Variants in DCLK1 observed in about 807,000 individuals in gnomAD.
The protein encoded by DCLK1 is serine/threonine-protein kinase DCLK1.
Under a neutral mutation model 86.2 loss-of-function variants are expected in DCLK1, and 16 were observed. That is an observed-to-expected ratio of 0.19 (90% confidence interval 0.13 to 0.28). The LOEUF (loss-of-function observed/expected upper bound fraction) is 0.28. DCLK1 is among the 10% of genes least tolerant of loss of function. The probability of loss-of-function intolerance (pLI) is 1.00; values close to 1 mark genes in which losing one functional copy is unlikely to be tolerated. For synonymous variants in DCLK1, 369 were observed against 370.5 expected (o/e 1.00, Z 0.05); for missense variants, 590 against 940.2 (o/e 0.63, Z 4.87).
intron 3 of DCLK1, among the ~76,000 whole-genome samples, chr13:36,101,778 G>A (rs889579959): frequency 3.3e-5 from 5 of 151,376 alleles, no homozygotes; most frequent in Non-Finnish European, 7.4e-5. Context: ...TCACTCTGTC[G>A]CCCAGGCTGG....
At chr13:36,078,412 G>T (rs1377916498) in intron 3 of DCLK1, among the ~76,000 whole-genome samples, 1 of 152,204 alleles carries the variant, frequency 6.6e-6, no homozygotes, top group African/African-American at 2.4e-5. Flanking sequence ...AGTCTGGGGT[G>T]TGCTACTGAA....
chr13:35,996,172 AC>A (rs1420274229), intron 3 of DCLK1, among the ~76,000 whole-genome samples: 1 of 151,998 alleles, frequency 6.6e-6, no homozygotes, highest in Non-Finnish European at 1.5e-5. Context: ...CAGGGGATCT[AC>A]CCGCCTCGGC....
chr13:36,095,858 C>T (rs1566009484), intron 3 of DCLK1, among the ~76,000 whole-genome samples: 1 of 152,084 alleles, frequency 6.6e-6, no homozygotes. Flanking sequence ...AGGATTTTGT[C>T]TTAAATTCCT....
chr13:35,993,839 GAAA>G (rs11360420), intron 3 of DCLK1, among the ~76,000 whole-genome samples: 2 of 142,356 alleles, frequency 1.4e-5, no homozygotes. Context: ...ACACTCATGA[GAAA>G]AAAAAAAAAA....
Position 36,112,002 on chromosome 13 carries a change from G to A in DCLK1, c.590C>T (p.Pro197Leu). The A allele has an allele frequency of 6.2e-7, 1 of 1,614,154 alleles. No individual in the cohort carries two copies. Among genetic ancestry groups the A allele is most frequent in the Non-Finnish European group, 8.5e-7 (1 of 1,180,008 alleles). Residue 197 changes from proline to leucine, a missense_variant, in exon 3 of 17, where the codon CCA (proline) becomes CTA (leucine). Transcript: ENST00000360631. Reference sequence around the variant, plus strand: ...CAGCAGAATCCTGACAGCTTTCCGTGGCTTCACGCCACTTCTGATGATGGT... The same window carrying A: ...CAGCAGAATCCTGACAGCTTTCCGTAGCTTCACGCCACTTCTGATGATGGT... ...LVTIIRSGVKPRKAVRILLNK... is the reference protein window; with the variant it reads ...LVTIIRSGVKLRKAVRILLNK...
In DCLK1 at chr13:36,070,949, T is replaced by C. The variant is rs532010403; in HGVS notation, c.723+40920A>G. On this transcript the variant is annotated intron_variant, in intron 3 of 16. Coordinates refer to ENST00000360631, the MANE Select transcript of DCLK1 (RefSeq NM_001330071.2). Reference sequence around the variant, plus strand: ...CGTGAGCCACCGCGCCCGGCCCCCATCTTTATAAAGAGACCTAGGAGACAT... The same window carrying C: ...CGTGAGCCACCGCGCCCGGCCCCCACCTTTATAAAGAGACCTAGGAGACAT... Among the ~76,000 whole-genome samples the C allele has an allele frequency of 8.5e-5, 13 of 152,180 alleles. No individual in the cohort carries two copies. The East Asian group carries it at 1.2e-3, about 14-fold the overall frequency.
intron 4 of DCLK1, among the ~76,000 whole-genome samples, chr13:35,879,312 G>A (rs949961678): frequency 9.2e-5 from 14 of 152,288 alleles, no homozygotes; most frequent in South Asian, 2.1e-4. Context: ...TGGCGCCCAC[G>A]TGTTCCTCCA....
intron 3 of DCLK1, among the ~76,000 whole-genome samples, chr13:36,020,411 T>C: frequency 6.6e-6 from 1 of 152,162 alleles, no homozygotes; most frequent in African/African-American, 2.4e-5. Context: ...AATAAACTTT[T>C]CTTAGAAGTC....
chr13:35,999,581 C>T (rs1217733302), intron 3 of DCLK1, among the ~76,000 whole-genome samples: 3 of 152,206 alleles, frequency 2.0e-5, no homozygotes, highest in Non-Finnish European at 4.4e-5. Context: ...GCAAGGCCCT[C>T]CCTGCCATCA....
intron 3 of DCLK1, among the ~76,000 whole-genome samples, chr13:36,020,542 T>G (rs1881731987): frequency 1.3e-5 from 2 of 152,036 alleles, no homozygotes; most frequent in South Asian, 4.2e-4. Flanking sequence ...TGTCTCCAGG[T>G]CAACTGGGAT....
At chr13:35,840,885 C>T (rs963767348) in intron 6 of DCLK1, among the ~76,000 whole-genome samples, 3 of 152,214 alleles carry the variant, frequency 2.0e-5, no homozygotes, top group African/African-American at 7.2e-5. Context: ...ATGAGGCTGA[C>T]ACAAGGCAGA....
chr13:35,818,866 C>G (rs1004696862), intron 11 of DCLK1, among the ~76,000 whole-genome samples: 1 of 151,842 alleles, frequency 6.6e-6, no homozygotes, highest in African/African-American at 2.4e-5. Context: ...TACATATACA[C>G]ATACACACAT....
intron 3 of DCLK1, among the ~76,000 whole-genome samples, chr13:36,056,550 G>A (rs1434530948): frequency 2.2e-5 from 3 of 137,754 alleles, no homozygotes; most frequent in Middle Eastern, 3.7e-3. Flanking sequence ...GCACCAGCAT[G>A]GCACATGTAT....
intron 3 of DCLK1, among the ~76,000 whole-genome samples, chr13:35,977,881 G>A (rs1879425372): frequency 6.6e-6 from 1 of 152,086 alleles, no homozygotes; most frequent in Non-Finnish European, 1.5e-5. Context: ...CATGAAGAAA[G>A]TCAAGGTTCG....
At chr13:35,929,800 A>G (rs906334318) in intron 4 of DCLK1, among the ~76,000 whole-genome samples, 1 of 151,606 alleles carries the variant, frequency 6.6e-6, no homozygotes. Flanking sequence ...AGTGAGACTC[A>G]TGATTTCACA....
chr13:35,853,454 G>A (rs1325271946), intron 6 of DCLK1, among the ~76,000 whole-genome samples: 6 of 152,088 alleles, frequency 3.9e-5, no homozygotes, highest in African/African-American at 1.4e-4. Context: ...GGTGCAACAG[G>A]CTCCAAAGGA....
chr13:36,131,890 C>T (rs1314459282), upstream of DCLK1, among the ~76,000 whole-genome samples: 1 of 152,236 alleles, frequency 6.6e-6, no homozygotes, highest in African/African-American at 2.4e-5. Flanking sequence ...CCAACCCTCC[C>T]AAGCTATGCA....
At chr13:35,877,337 T>C (rs1872646678) in intron 4 of DCLK1, among the ~76,000 whole-genome samples, 1 of 152,100 alleles carries the variant, frequency 6.6e-6, no homozygotes. Context: ...CAGAAACAGT[T>C]GGTAGGTAGG....
chr13:35,940,387 G>A (rs1877021920), intron 4 of DCLK1, among the ~76,000 whole-genome samples: 1 of 152,126 alleles, frequency 6.6e-6, no homozygotes, highest in Admixed American at 6.5e-5. Flanking sequence ...CTGGTACATA[G>A]TAAGTTAGCT....
Sources: gnomAD v4.1 joint callset for allele counts (sites outside exome capture counted in the v4.1 genomes callset) on GRCh38, gnomAD v4.1.1 for gene constraint, MANE v1.5 for transcripts, NCBI Gene and HGNC (gene_info 2026-07-23, HGNC 2026-07-21) for gene names.